The following TRAK2 variants were observed in gnomAD, a reference collection of about 807,000 sequenced individuals.
TRAK2 encodes the protein trafficking kinesin-binding protein 2.
In TRAK2, 81 loss-of-function variants were observed where a neutral mutation model predicts 104.6. The observed-to-expected ratio is 0.77, with a 90% CI of 0.65 to 0.93. The LOEUF (loss-of-function observed/expected upper bound fraction) is 0.93. Ranked by LOEUF, TRAK2 falls within the 40% of genes least tolerant of loss-of-function variation. TRAK2 has a pLI of 0.00. For missense variants in TRAK2, 1,002 were observed against 1,089.0 expected (o/e 0.92, Z 1.12); for synonymous variants, 406 against 394.4 (o/e 1.03, Z -0.35).
At chr2:201,417,542 T>C (rs1442968809) in intron 2 of TRAK2, among the ~76,000 whole-genome samples, 1 of 152,120 alleles carries the variant, frequency 6.6e-6, no homozygotes, top group African/African-American at 2.4e-5. Context: ...TTTGACAAAA[T>C]TCATGCTAAA....
At chr2:201,408,298 TTTTTTTAATTTTTAA>T (rs1314872850) in intron 2 of TRAK2, among the ~76,000 whole-genome samples, 15 of 152,160 alleles carry the variant, frequency 9.9e-5, no homozygotes, top group African/African-American at 2.9e-4. Flanking sequence ...ATAACTATGC[TTTTTTTAATTTTTAA>T]TTTTTTAATT....
Position 201,381,189 on chromosome 2 carries a change from C to G in TRAK2, c.2099G>C (p.Ser700Thr), listed in dbSNP as rs747475851. 2 of 1,610,848 alleles carry G rather than the reference C, an allele frequency of 1.2e-6. No individual in the cohort carries two copies. Among genetic ancestry groups the G allele is most frequent in the Non-Finnish European group, 8.5e-7 (1 of 1,178,818 alleles). ...SSGFPSLSCG[S>T]SGSSSSNTAV... ...CGTGTTGGATGAACTGCTACCGCTA[C>G]TTCCACAGGATAATGAAGGGAACCC... The change falls in exon 16 of 16, where the codon AGT becomes ACT. Residue 700 changes from serine (S) to threonine (T), a missense_variant. Transcript: ENST00000332624.
intron 15 of TRAK2, among the ~76,000 whole-genome samples, chr2:201,383,457 T>C (rs1951360696): frequency 1.3e-5 from 2 of 152,156 alleles, no homozygotes; most frequent in South Asian, 4.1e-4. Flanking sequence ...CAATCAATCA[T>C]ACCTACACAA....
intron 10 of TRAK2, among the ~76,000 whole-genome samples, chr2:201,390,931 T>C (rs1031099553): frequency 6.6e-6 from 1 of 151,932 alleles, no homozygotes. Context: ...TTGGAGGCAA[T>C]GGTGTGAACT....
rs545435651 is a variant in TRAK2 at position 201,405,933 on chromosome 2, G to A, written c.286+1470C>T. On this transcript the variant is annotated intron_variant, in intron 3 of 15. Coordinates refer to ENST00000332624, the MANE Select transcript of TRAK2 (RefSeq NM_015049.3). ...GGGCGGGCAGAGGTTGCAGTGAGGCGAGATCGTGCCACTATACTCCAGCCT... is the reference window on the plus strand; with the variant it reads ...GGGCGGGCAGAGGTTGCAGTGAGGCAAGATCGTGCCACTATACTCCAGCCT... 5.1e-4 allele frequency among the ~76,000 whole-genome samples: 77 copies of A among 152,284 alleles called. 3 individuals are homozygous for A. The South Asian group carries it at 0.015, about 29-fold the overall frequency.
chr2:201,417,939 TTAAA>T (rs1174987026), intron 2 of TRAK2, among the ~76,000 whole-genome samples: 2 of 152,122 alleles, frequency 1.3e-5, no homozygotes, highest in Non-Finnish European at 2.9e-5. Flanking sequence ...GAAAATGAAA[TTAAA>T]TAAACAGTGC....
At chr2:201,443,906 TA>T (rs1309484827) in intron 1 of TRAK2, among the ~76,000 whole-genome samples, 5 of 152,054 alleles carry the variant, frequency 3.3e-5, no homozygotes, top group Admixed American at 2.6e-4. Context: ...AACTCCTTCT[TA>T]AAAAAAATCC....
In TRAK2 at chr2:201,398,208, C is replaced by T; in HGVS notation, c.627G>A (p.Gln209=). ...ESFSLSQGLL[Q]LEMLQEKLKE... ...TGAGCTTTTCTTGCAGCATTTCCAA[C>T]TGCAGCAACCCTTGAGATAAGCTAA... is the stretch of plus-strand genomic sequence containing the variant. The change falls in exon 6 of 16, where the codon CAG becomes CAA. Residue 209 remains glutamine, a synonymous_variant. Coordinates refer to ENST00000332624, the MANE Select transcript of TRAK2 (RefSeq NM_015049.3). 1 of 1,613,766 alleles carries T rather than the reference C, an allele frequency of 6.2e-7. No homozygotes were observed. Among genetic ancestry groups the T allele is most frequent in the Non-Finnish European group, 8.5e-7 (1 of 1,179,726 alleles).
intron 1 of TRAK2, among the ~76,000 whole-genome samples, chr2:201,439,183 A>G (rs181564002): frequency 4.0e-4 from 61 of 152,332 alleles, no homozygotes; most frequent in Admixed American, 1.0e-3. Context: ...CTGCATAGGA[A>G]TATGAGACTG....
At chr2:201,435,806 A>G (rs192180407) in intron 1 of TRAK2, among the ~76,000 whole-genome samples, 1 of 152,308 alleles carries the variant, frequency 6.6e-6, no homozygotes, top group Admixed American at 6.5e-5. Context: ...AGACAGGGAA[A>G]TAACTGTTTT....
intron 2 of TRAK2, among the ~76,000 whole-genome samples, chr2:201,408,729 G>A (rs1258972409): frequency 6.6e-6 from 1 of 152,030 alleles, no homozygotes; most frequent in Admixed American, 6.6e-5. Context: ...ACATGCCTGG[G>A]GGAAAAAGCA....
intron 1 of TRAK2, among the ~76,000 whole-genome samples, chr2:201,430,548 C>T (rs1270331093): frequency 1.3e-5 from 2 of 152,252 alleles, no homozygotes; most frequent in African/African-American, 4.8e-5. Context: ...CTCCCCCAGG[C>T]TCGCTGCCAC....
chr2:201,393,560 T>C (rs1327551498), intron 9 of TRAK2, among the ~76,000 whole-genome samples: 1 of 152,156 alleles, frequency 6.6e-6, no homozygotes, highest in Admixed American at 6.5e-5. Flanking sequence ...AAAGAGTACA[T>C]AATTTTCAGA....
intron 1 of TRAK2, among the ~76,000 whole-genome samples, chr2:201,427,228 G>C (rs1951797121): frequency 6.6e-6 from 1 of 152,092 alleles, no homozygotes. Flanking sequence ...CAATGTGCAG[G>C]TTTGTTACAT....
chr2:201,399,133 G>C (rs1039995706), intron 5 of TRAK2, among the ~76,000 whole-genome samples: 2 of 152,008 alleles, frequency 1.3e-5, no homozygotes, highest in African/African-American at 4.8e-5. Flanking sequence ...TATCTAAGCA[G>C]GGTGCCACAG....
intron 1 of TRAK2, among the ~76,000 whole-genome samples, chr2:201,437,069 G>A (rs1951884504): frequency 6.6e-6 from 1 of 152,144 alleles, no homozygotes; most frequent in Admixed American, 6.5e-5. Context: ...CAACTCAAGG[G>A]CTTTGAAGAT....
chr2:201,412,984 T>C (rs907506928), intron 2 of TRAK2: 4 of 774,664 alleles, frequency 5.2e-6, no homozygotes, highest in Non-Finnish European at 9.5e-6. Flanking sequence ...AATCCCTGGA[T>C]TCTTCTAAAG....
Position 201,380,187 on chromosome 2 carries a change from T to C in TRAK2, c.*356A>G. 3.7e-6 allele frequency: 1 copy of C among 272,366 alleles called. No homozygotes were observed. The highest frequency in any genetic ancestry group is 7.0e-6 in the Non-Finnish European group (1 of 142,678). The allele number at this position is 272,366 out of a possible 1,614,324, so 16.9% of individuals were successfully genotyped here. On this transcript the variant is annotated 3_prime_UTR_variant, in exon 16 of 16. Transcript: ENST00000332624. Reference sequence around the variant, plus strand: ...TCTAACCTGGGTTCTCTCTGCTTTATGCTTACCAGAAGTAAATGTGCCAGC... The same window carrying C: ...TCTAACCTGGGTTCTCTCTGCTTTACGCTTACCAGAAGTAAATGTGCCAGC...
rs776496083 is a variant in TRAK2, at chr2:201,388,016, C to T, written c.1398-15G>A. On this transcript the variant is annotated splice_polypyrimidine_tract_variant and intron_variant, in intron 12 of 15. Transcript: ENST00000332624. The stretch of plus-strand genomic sequence containing the variant: ...TCTGGGAGCTCCTATAGGAAAATCG[C>T]GTTCACTGATTAGATCTTGAGGATC... 5.6e-6 allele frequency: 9 copies of T among 1,613,748 alleles called. No homozygotes were observed. Among genetic ancestry groups the T allele is most frequent in the South Asian group, 1.1e-5 (1 of 91,000 alleles).
Sources: allele counts gnomAD v4.1 joint callset (sites outside exome capture counted in the v4.1 genomes callset), GRCh38; gene constraint gnomAD v4.1.1; transcripts MANE v1.5; gene names NCBI Gene and HGNC (gene_info 2026-07-23, HGNC 2026-07-21).